The following IPO11 variants were observed in gnomAD, a reference collection of about 807,000 sequenced individuals.
The protein encoded by IPO11 is importin 11, also known as importin-11.
Under a neutral mutation model 143.2 loss-of-function variants are expected in IPO11, and 66 were observed. The ratio of observed to expected loss-of-function variants is 0.46; its 90% CI spans 0.38 to 0.57. The LOEUF is 0.57. Ranked by LOEUF, IPO11 falls within the 20% of genes least tolerant of loss-of-function variation. IPO11 has a pLI of 0.00. For synonymous variants in IPO11, 385 were observed against 377.8 expected, an observed-to-expected ratio of 1.02 and a Z score of -0.22; for missense variants, 1,026 against 1,141.0, an observed-to-expected ratio of 0.90 and a Z score of 1.45.
At chr5:62,434,085 C>T (rs1744084458) in intron 1 of IPO11, among the ~76,000 whole-genome samples, 1 of 152,202 alleles carries the variant, frequency 6.6e-6, no homozygotes, top group Non-Finnish European at 1.5e-5. Context: ...TTTTCCGCCA[C>T]TTTCCCCTTT....
At chr5:62,489,487 C>A in intron 14 of IPO11, 138 bp downstream of exon 14, 1 of 551,092 alleles carries the variant, frequency 1.8e-6, no homozygotes, top group Non-Finnish European at 3.1e-6. Flanking sequence ...GGGAGATAAC[C>A]AAGTAAACAG....
intron 2 of IPO11, among the ~76,000 whole-genome samples, chr5:62,442,165 A>T (rs1401622157): frequency 6.6e-6 from 1 of 152,112 alleles, no homozygotes; most frequent in East Asian, 1.9e-4. Context: ...ATTTACAAGG[A>T]TAATTGTTTT....
At chr5:62,525,133 A>G (rs1160516613) in intron 20 of IPO11, among the ~76,000 whole-genome samples, 1 of 152,174 alleles carries the variant, frequency 6.6e-6, no homozygotes, top group African/African-American at 2.4e-5. Flanking sequence ...GATAACAAAA[A>G]CACCTTTGCC....
chr5:62,533,142 C>G (rs1350890427), intron 22 of IPO11, among the ~76,000 whole-genome samples: 1 of 151,916 alleles, frequency 6.6e-6, no homozygotes, highest in Non-Finnish European at 1.5e-5. Flanking sequence ...TACATCTTGA[C>G]CTCAGTATTA....
At chr5:62,429,668 G>T (rs193193553) in intron 1 of IPO11, among the ~76,000 whole-genome samples, 178 of 151,760 alleles carry the variant, frequency 1.2e-3, no homozygotes, top group Middle Eastern at 3.4e-3. Flanking sequence ...CTGTCGTCCA[G>T]ACTGGAGTGC....
chr5:62,428,637 TG>T (rs1386340256), intron 1 of IPO11, among the ~76,000 whole-genome samples: 1 of 152,084 alleles, frequency 6.6e-6, no homozygotes, highest in Non-Finnish European at 1.5e-5. Flanking sequence ...CCCCCGCGCC[TG>T]GCTATAAGTC....
chr5:62,502,913 C>T (rs537370270), intron 16 of IPO11, among the ~76,000 whole-genome samples: 2 of 152,234 alleles, frequency 1.3e-5, no homozygotes, highest in South Asian at 4.1e-4. Flanking sequence ...ACCCTCGCCT[C>T]CCAGGTTCAA....
chr5:62,429,691 TTGG>T (rs1743909423), intron 1 of IPO11, among the ~76,000 whole-genome samples: 5 of 151,984 alleles, frequency 3.3e-5, no homozygotes, highest in Admixed American at 2.0e-4. Context: ...TGGTGCGATC[TTGG>T]CTCACTGCAA....
At chr5:62,429,085 T>C (rs1040546356) in intron 1 of IPO11, among the ~76,000 whole-genome samples, 6 of 152,246 alleles carry the variant, frequency 3.9e-5, no homozygotes, top group Non-Finnish European at 8.8e-5. Flanking sequence ...CAGTAGTTTT[T>C]AGTATATTCA....
At chr5:62,478,415 C>T (rs919549170) in intron 9 of IPO11, among the ~76,000 whole-genome samples, 7 of 152,196 alleles carry the variant, frequency 4.6e-5, no homozygotes, top group South Asian at 2.1e-4. Context: ...GATCCACCCA[C>T]TGCCACCTCC....
At chr5:62,486,111 G>C (rs996786784) in intron 12 of IPO11, among the ~76,000 whole-genome samples, 1 of 151,444 alleles carries the variant, frequency 6.6e-6, no homozygotes, top group African/African-American at 2.4e-5. Flanking sequence ...CTCCCGAGTA[G>C]CTGGGAATAC....
At chr5:62,578,089 G>A (rs980719915) in intron 27 of IPO11, among the ~76,000 whole-genome samples, 2 of 152,034 alleles carry the variant, frequency 1.3e-5, no homozygotes, top group Non-Finnish European at 2.9e-5. Context: ...GCGAAACATC[G>A]CCTCTTTTAC....
Position 62,435,124 on chromosome 5 carries a change from A to ATATGTGTATATATG in IPO11, c.-6-2149_-6-2148insATGTGTATATATGT, listed in dbSNP as rs1277720744. On this transcript the variant is annotated intron_variant, in intron 1 of 29. Coordinates refer to ENST00000325324, the MANE Select transcript of IPO11 (RefSeq NM_016338.5). ...TGTATATATATGTATATATGTATAT[A>ATATGTGTATATATG]TGTATATATATGTATATATGTATAT... Among the ~76,000 whole-genome samples the ATATGTGTATATATG allele has an allele frequency of 6.8e-5, 7 of 102,520 alleles. 1 individual carries two copies. Among genetic ancestry groups the ATATGTGTATATATG allele is most frequent in the African/African-American group, 2.9e-4 (6 of 21,010 alleles). The allele number at this position is 102,520 out of a possible 152,430, so 67.3% of individuals were successfully genotyped here.
chr5:62,549,206 T>C (rs2112346038), intron 24 of IPO11, among the ~76,000 whole-genome samples: 1 of 152,306 alleles, frequency 6.6e-6, no homozygotes, highest in South Asian at 2.1e-4. Context: ...ACCTGTATCT[T>C]TTAGTAGTAG....
At chr5:62,625,698 T>C (rs1399956394) in intron 29 of IPO11, among the ~76,000 whole-genome samples, 1 of 152,254 alleles carries the variant, frequency 6.6e-6, no homozygotes, top group Non-Finnish European at 1.5e-5. Context: ...TGAGAAAAAC[T>C]AACCTTGAAT....
At chr5:62,448,065 C>A (rs1261040052) in intron 3 of IPO11, among the ~76,000 whole-genome samples, 3 of 151,690 alleles carry the variant, frequency 2.0e-5, no homozygotes, top group African/African-American at 4.8e-5. Flanking sequence ...TTTTTTCTTT[C>A]TTGCTTTACT....
chr5:62,529,031 T>C (rs1742457682), intron 21 of IPO11, among the ~76,000 whole-genome samples: 1 of 152,184 alleles, frequency 6.6e-6, no homozygotes, highest in Non-Finnish European at 1.5e-5. Context: ...GTTTCCTATT[T>C]ATTAATATCT....
chr5:62,590,426 C>A (rs1744966598), intron 27 of IPO11, among the ~76,000 whole-genome samples: 1 of 152,022 alleles, frequency 6.6e-6, no homozygotes, highest in Non-Finnish European at 1.5e-5. Flanking sequence ...CTTGTTTAGT[C>A]TCTTAAATTA....
chr5:62,449,885 G>A, intron 3 of IPO11, 42 bp from the exon 4 acceptor site: 1 of 1,226,272 alleles, frequency 8.2e-7, no homozygotes, highest in Non-Finnish European at 1.1e-6. Flanking sequence ...TTATTATTAG[G>A]TGGCATTCTT....
Sources: allele counts gnomAD v4.1 joint callset (sites outside exome capture counted in the v4.1 genomes callset), GRCh38; gene constraint gnomAD v4.1.1; transcripts MANE v1.5; gene names NCBI Gene and HGNC (gene_info 2026-07-23, HGNC 2026-07-21).